The following OPCML variants were observed in gnomAD, a reference collection of about 807,000 sequenced individuals.
OPCML encodes the protein opioid binding protein/cell adhesion molecule like.
In OPCML, 13 loss-of-function variants were observed where a neutral mutation model predicts 37.8. The ratio of observed to expected loss-of-function variants is 0.34; its 90% CI spans 0.22 to 0.55. The LOEUF (loss-of-function observed/expected upper bound fraction) is 0.55, where lower values mean the gene tolerates loss of function less well. Among genes scored for constraint, OPCML ranks in the 20% least tolerant of loss-of-function variants. The probability of loss-of-function intolerance (pLI) is 0.91; values close to 1 mark genes in which losing one functional copy is unlikely to be tolerated. For synonymous variants in OPCML, 176 were observed against 168.8 expected (o/e 1.04, Z -0.33); for missense variants, 341 against 435.6 (o/e 0.78, Z 1.93).
At chr11:133,209,363 C>A (rs1939254853) in intron 1 of OPCML, among the ~76,000 whole-genome samples, 1 of 152,146 alleles carries the variant, frequency 6.6e-6, no homozygotes, top group Non-Finnish European at 1.5e-5. Context: ...AAGGGTTTCA[C>A]ATCACACATA....
At chr11:132,939,925 T>G (rs572981269) in intron 2 of OPCML, among the ~76,000 whole-genome samples, 24 of 152,310 alleles carry the variant, frequency 1.6e-4, no homozygotes, top group South Asian at 1.2e-3. Flanking sequence ...AAGCTATAAT[T>G]CAACCATAGT....
chr11:132,975,155 A>T (rs559588362), intron 1 of OPCML, among the ~76,000 whole-genome samples: 35 of 152,080 alleles, frequency 2.3e-4, no homozygotes, highest in African/African-American at 7.7e-4. Context: ...GTCTATATTG[A>T]CATGAAACTT....
chr11:132,805,703 G>A (rs1271448108), intron 2 of OPCML, among the ~76,000 whole-genome samples: 1 of 152,114 alleles, frequency 6.6e-6, no homozygotes, highest in Non-Finnish European at 1.5e-5. Flanking sequence ...GTGCAATAAA[G>A]ACCTTTTCTA....
At chr11:132,694,179 C>CTTTTTTTTTTTTTTT (rs1162305568) in intron 2 of OPCML, among the ~76,000 whole-genome samples, 1 of 42,978 alleles carries the variant, frequency 2.3e-5, no homozygotes, top group African/African-American at 9.1e-5. Context: ...AAATCAATGT[C>CTTTTTTTTTTTTTTT]TTTTTTTTTT....
chr11:132,565,107 G>A lies in OPCML; in HGVS notation c.380-35921C>T, dbSNP rs540435164. Reference sequence around the variant, plus strand: ...GGTATCTCTACAATCTGTCAGACTTGCACCCTTAAAAAACAAAAATAGGAA... The same window carrying A: ...GGTATCTCTACAATCTGTCAGACTTACACCCTTAAAAAACAAAAATAGGAA... On this transcript the variant is annotated intron_variant, in intron 3 of 7. Coordinates refer to ENST00000524381, the MANE Select transcript of OPCML (RefSeq NM_001012393.5). Among the ~76,000 whole-genome samples the A allele has an allele frequency of 3.7e-4, 56 of 152,152 alleles. 1 individual carries two copies. The highest frequency in any genetic ancestry group is 1.3e-3 in the African/African-American group (54 of 41,500).
intron 2 of OPCML, among the ~76,000 whole-genome samples, chr11:132,700,335 CTTTG>C (rs1489317312): frequency 2.6e-5 from 4 of 151,648 alleles, no homozygotes; most frequent in African/African-American, 7.3e-5. Context: ...TAATTTTGGG[CTTTG>C]TTTGATCTTT....
rs369811358 is a variant in OPCML at position 133,502,357 on chromosome 11, C to G, written c.61+29907G>C. Among the ~76,000 whole-genome samples, 8 of 152,194 alleles carry G rather than the reference C, an allele frequency of 5.3e-5. No individual in the cohort carries two copies. In the East Asian group the frequency reaches 1.5e-3, roughly 29 times the overall value. On this transcript the variant is annotated intron_variant, in intron 1 of 7. Transcript: ENST00000524381. The stretch of plus-strand genomic sequence containing the variant: ...GGTGGCAGGGTGGCTGGCCAGTGGC[C>G]GAGGCAGGGTGACGCAGTCCATGCT...
At chr11:132,494,151 A>C (rs1272896216) in intron 4 of OPCML, among the ~76,000 whole-genome samples, 1 of 152,206 alleles carries the variant, frequency 6.6e-6, no homozygotes, top group Non-Finnish European at 1.5e-5. Context: ...ATTCCATTCA[A>C]ATCCAAGAAG....
Position 132,809,668 on chromosome 11 carries a change from A to T in OPCML, c.146+133258T>A, listed in dbSNP as rs1009214778. Among the ~76,000 whole-genome samples, 14 of 152,220 alleles carry T rather than the reference A, an allele frequency of 9.2e-5. 1 individual carries two copies. The highest frequency in any genetic ancestry group is 7.9e-4 in the Admixed American group (12 of 15,286). On this transcript the variant is annotated intron_variant, in intron 2 of 7. Coordinates refer to ENST00000524381, the MANE Select transcript of OPCML (RefSeq NM_001012393.5). ...AAAACTAAAAATTTTAATTAAAAAA[A>T]GTGCCATCTCCAAGTGTTTATTTAT... is the stretch of plus-strand genomic sequence containing the variant.
intron 2 of OPCML, among the ~76,000 whole-genome samples, chr11:132,940,689 T>C (rs761912738): frequency 3.9e-5 from 6 of 152,076 alleles, no homozygotes; most frequent in Non-Finnish European, 8.8e-5. Context: ...AGGAGAGAGA[T>C]GGGGACACAC....
chr11:133,417,671 TC>T (rs1945798474), intron 1 of OPCML, among the ~76,000 whole-genome samples: 2 of 149,878 alleles, frequency 1.3e-5, no homozygotes, highest in Non-Finnish European at 3.0e-5. Flanking sequence ...TATGTGATGT[TC>T]CCCTTCCTGT....
rs937652370 is a variant in OPCML at position 133,174,752 on chromosome 11, G to A, written c.62-231742C>T. Among the ~76,000 whole-genome samples the A allele has an allele frequency of 2.8e-5, 4 of 142,570 alleles. No individual in the cohort carries two copies. The highest frequency in any genetic ancestry group is 5.9e-5 in the Non-Finnish European group (4 of 67,878). 93.5% of individuals were successfully genotyped at this position (142,570 alleles called of 152,430 possible). A position where few individuals can be genotyped will look rare whatever the true frequency, so the allele number is the denominator to read the frequency against. On this transcript the variant is annotated intron_variant, in intron 1 of 7. Coordinates refer to ENST00000524381, the MANE Select transcript of OPCML (RefSeq NM_001012393.5). This position sits in a 1 kb window ranked among gnomAD's most constrained non-coding sequence, Gnocchi z 4.6. ...TGCCTATCTATATTTTCATCTCTCT[G>A]ACTGTTTTAGTCATTCAACTCTATA...
At chr11:133,529,005 C>A (rs1948547194) in intron 1 of OPCML, among the ~76,000 whole-genome samples, 1 of 152,234 alleles carries the variant, frequency 6.6e-6, no homozygotes, top group Admixed American at 6.5e-5. Context: ...TGAGCCTTGG[C>A]TGCTGGCAAT....
At chr11:132,675,835 C>T (rs1327212086) in intron 2 of OPCML, among the ~76,000 whole-genome samples, 1 of 152,092 alleles carries the variant, frequency 6.6e-6, no homozygotes, top group Non-Finnish European at 1.5e-5. Context: ...ATGAATTGGA[C>T]AATTTAATAT....
chr11:132,423,587 A>G (rs1329329034), intron 7 of OPCML, among the ~76,000 whole-genome samples: 1 of 152,224 alleles, frequency 6.6e-6, no homozygotes, highest in African/African-American at 2.4e-5. Flanking sequence ...GCATCTTTGC[A>G]GTAGCCCTGT....
At chr11:132,598,465 T>C (rs1157905856) in intron 3 of OPCML, among the ~76,000 whole-genome samples, 1 of 152,178 alleles carries the variant, frequency 6.6e-6, no homozygotes, top group African/African-American at 2.4e-5. Context: ...GCCATTTCTA[T>C]AAATTAAATA....
At chr11:133,165,535 C>T (rs1950198096) in intron 1 of OPCML, among the ~76,000 whole-genome samples, 1 of 152,198 alleles carries the variant, frequency 6.6e-6, no homozygotes, top group African/African-American at 2.4e-5. Flanking sequence ...GGCCTTGATA[C>T]TTCCCAAGTT....
intron 2 of OPCML, among the ~76,000 whole-genome samples, chr11:132,786,758 C>T (rs1591608693): frequency 6.6e-6 from 1 of 152,160 alleles, no homozygotes; most frequent in South Asian, 2.1e-4. Context: ...TATCTGCTGA[C>T]GTGAATGCAC....
chr11:132,658,536 C>A (rs142259653), intron 2 of OPCML, among the ~76,000 whole-genome samples: 102 of 152,306 alleles, frequency 6.7e-4, no homozygotes, highest in African/African-American at 2.3e-3. Context: ...GGGAAAGCAC[C>A]TGATCTAGGG....
Sources: allele counts gnomAD v4.1 joint callset (sites outside exome capture counted in the v4.1 genomes callset), GRCh38; gene constraint gnomAD v4.1.1; non-coding constraint Gnocchi (gnomAD v3.1); transcripts MANE v1.5; gene names NCBI Gene and HGNC (gene_info 2026-07-23, HGNC 2026-07-21).